SPMIP7: variants seen among roughly 807,000 people sequenced by gnomAD.
The protein encoded by SPMIP7 is protein SPMIP7.
chr7:50,129,857 C>T, the SPMIP7 span: 1 of 989,684 alleles, frequency 1.0e-6, no homozygotes, highest in Non-Finnish European at 1.6e-6. Flanking sequence ...TATGACACAT[C>T]CTCTTTATGT....
chr7:50,134,162 A>G, the SPMIP7 span: 1 of 1,550,968 alleles, frequency 6.4e-7, no homozygotes, highest in Non-Finnish European at 8.7e-7. Flanking sequence ...TTGTTCCAGA[A>G]GAAACAACAT....
the SPMIP7 span, among the ~76,000 whole-genome samples, chr7:50,155,874 C>CCCTCACTATA: frequency 4.6e-5 from 7 of 152,078 alleles, no homozygotes; most frequent in South Asian, 4.1e-4. Context: ...TCATCCATGG[C>CCCTCACTATA]CTGAGTGGGA....
At chr7:50,140,856 A>G in the SPMIP7 span, among the ~76,000 whole-genome samples, 1 of 152,172 alleles carries the variant, frequency 6.6e-6, no homozygotes, top group East Asian at 1.9e-4. Context: ...TCTCAGGCCC[A>G]GGGGCACGTG....
chr7:50,110,129 G>C, the SPMIP7 span, among the ~76,000 whole-genome samples: 5 of 151,830 alleles, frequency 3.3e-5, no homozygotes, highest in Middle Eastern at 3.4e-3. Flanking sequence ...TAATTATGTG[G>C]TAAAATGAAA....
At chr7:50,133,657 A>G in the SPMIP7 span, among the ~76,000 whole-genome samples, 1 of 152,188 alleles carries the variant, frequency 6.6e-6, no homozygotes, top group Non-Finnish European at 1.5e-5. Flanking sequence ...TCAAGGTGTC[A>G]GATGAGACTT....
chr7:50,110,544 A>G, the SPMIP7 span, among the ~76,000 whole-genome samples: 39 of 144,450 alleles, frequency 2.7e-4, 1 homozygote, highest in Admixed American at 2.3e-3. Context: ...TATTTGATAT[A>G]TATTATATGC....
the SPMIP7 span, among the ~76,000 whole-genome samples, chr7:50,154,641 C>G: frequency 6.6e-6 from 1 of 152,152 alleles, no homozygotes; most frequent in Non-Finnish European, 1.5e-5. Context: ...GAGGTTGTGT[C>G]CATATCTTGG....
the SPMIP7 span, chr7:50,120,396 C>T: frequency 6.6e-6 from 1 of 152,086 alleles, no homozygotes; most frequent in Non-Finnish European, 1.5e-5. Flanking sequence ...AAGCCACTCT[C>T]CTGAAGGGGG....
chr7:50,136,547 T>A, the SPMIP7 span, among the ~76,000 whole-genome samples: 1 of 151,976 alleles, frequency 6.6e-6, no homozygotes, highest in African/African-American at 2.4e-5. Context: ...AATAAATAAA[T>A]ACAATAATAT....
chr7:50,138,764 A>AT, the SPMIP7 span, among the ~76,000 whole-genome samples: 3,591 of 140,178 alleles, frequency 0.026, 60 homozygotes, highest in African/African-American at 0.038. Flanking sequence ...TTTAAATGGG[A>AT]TTTTTTTTTT....
At chr7:50,119,438 C>G in the SPMIP7 span, among the ~76,000 whole-genome samples, 22 of 152,198 alleles carry the variant, frequency 1.4e-4, no homozygotes, top group Non-Finnish European at 2.6e-4. Context: ...TAATCGTTCC[C>G]TTTCTTTACA....
the SPMIP7 span, among the ~76,000 whole-genome samples, chr7:50,125,115 T>TACAC: frequency 3.9e-5 from 1 of 25,416 alleles, no homozygotes; most frequent in Non-Finnish European, 6.8e-5. Context: ...TATATATATA[T>TACAC]ACACACACAC....
chr7:50,128,987 T>C, the SPMIP7 span, among the ~76,000 whole-genome samples: 1 of 151,992 alleles, frequency 6.6e-6, no homozygotes, highest in Non-Finnish European at 1.5e-5. Flanking sequence ...ACTCAGTGTA[T>C]TTTAAAAGCA....
At chr7:50,145,614 G>GTA in the SPMIP7 span, among the ~76,000 whole-genome samples, 867 of 38,766 alleles carry the variant, frequency 0.022, 45 homozygotes, top group Non-Finnish European at 0.034. Flanking sequence ...GTGTATATGT[G>GTA]TGTGTATATA....
At chr7:50,104,445 T>C in the SPMIP7 span, 1 of 972,304 alleles carries the variant, frequency 1.0e-6, no homozygotes, top group Non-Finnish European at 1.5e-6. Flanking sequence ...TTATATATAA[T>C]TAGTTTATTT....
At chr7:50,134,385 TAC>T in the SPMIP7 span, 500 of 502,964 alleles carry the variant, frequency 9.9e-4, no homozygotes, top group Middle Eastern at 3.2e-3. Flanking sequence ...TAAATATATA[TAC>T]ACACACACAC....
chr7:50,121,939 G>A, the SPMIP7 span, among the ~76,000 whole-genome samples: 2 of 148,336 alleles, frequency 1.3e-5, no homozygotes, highest in African/African-American at 2.5e-5. Flanking sequence ...TTACAGGCAT[G>A]AGCCACCACA....
At chr7:50,124,185 A>G in the SPMIP7 span, among the ~76,000 whole-genome samples, 2 of 152,212 alleles carry the variant, frequency 1.3e-5, no homozygotes, top group African/African-American at 4.8e-5. Flanking sequence ...TTGTCAAGAA[A>G]ACCTAACAAT....
chr7:50,149,524 G>A, the SPMIP7 span, among the ~76,000 whole-genome samples: 1 of 152,170 alleles, frequency 6.6e-6, no homozygotes, highest in Non-Finnish European at 1.5e-5. Flanking sequence ...GTTGGTTAAG[G>A]GGCAGAGTCA....
Sources: gnomAD v4.1 joint callset for allele counts (sites outside exome capture counted in the v4.1 genomes callset) on GRCh38, gnomAD v4.1.1 for gene constraint, MANE v1.5 for transcripts, NCBI Gene and HGNC (gene_info 2026-07-23, HGNC 2026-07-21) for gene names.